The following STXBP5 variants were observed in gnomAD, a reference collection of about 807,000 sequenced individuals.
STXBP5 encodes the protein syntaxin binding protein 5.
A neutral mutation model predicts 152.4 loss-of-function variants in STXBP5; 50 were observed. The ratio of observed to expected loss-of-function variants is 0.33; its 90% CI spans 0.26 to 0.42. The LOEUF is 0.42. Ranked by LOEUF, STXBP5 falls within the 10% of genes least tolerant of loss-of-function variation. The pLI is 1.00. For synonymous variants in STXBP5, 492 were observed against 494.7 expected (o/e 0.99, Z 0.07); for missense variants, 1,167 against 1,388.6 (o/e 0.84, Z 2.54).
intron 11 of STXBP5, among the ~76,000 whole-genome samples, chr6:147,311,997 C>T (rs545148159): frequency 6.6e-6 from 1 of 152,270 alleles, no homozygotes; most frequent in South Asian, 2.1e-4. Flanking sequence ...ACATCTGCTA[C>T]TCCAAACAGT....
chr6:147,290,963 C>T, intron 8 of STXBP5, 131 bp from the exon 9 acceptor site: 1 of 607,158 alleles, frequency 1.6e-6, no homozygotes, highest in Non-Finnish European at 2.7e-6. Context: ...TATTAAATGC[C>T]TCTTTCAGAA....
intron 4 of STXBP5, among the ~76,000 whole-genome samples, chr6:147,240,215 T>G (rs1778475150): frequency 6.6e-6 from 1 of 152,206 alleles, no homozygotes; most frequent in African/African-American, 2.4e-5. Context: ...GAGCTGGGAT[T>G]ACAGGCATGA....
chr6:147,319,143 T>C (rs955999754), intron 16 of STXBP5, among the ~76,000 whole-genome samples: 4 of 152,170 alleles, frequency 2.6e-5, no homozygotes, highest in Admixed American at 2.0e-4. Flanking sequence ...TATATTGTTA[T>C]AGTAGACCAC....
intron 8 of STXBP5, among the ~76,000 whole-genome samples, chr6:147,286,036 G>A (rs1035372466): frequency 6.6e-6 from 1 of 152,108 alleles, no homozygotes; most frequent in Non-Finnish European, 1.5e-5. Flanking sequence ...TTACTGAAAG[G>A]TCATATACAT....
chr6:147,217,223 A>G (rs1025481735), intron 2 of STXBP5, among the ~76,000 whole-genome samples: 9 of 152,214 alleles, frequency 5.9e-5, no homozygotes, highest in Non-Finnish European at 1.5e-5. Context: ...AAGGAAAAAA[A>G]AAAGTGTTGA....
At chr6:147,252,771 T>C (rs902809469) in intron 4 of STXBP5, among the ~76,000 whole-genome samples, 2 of 152,068 alleles carry the variant, frequency 1.3e-5, no homozygotes, top group Non-Finnish European at 2.9e-5. Flanking sequence ...AGACACACAA[T>C]TGTCAGATTC....
chr6:147,215,283 C>T (rs1777102755), intron 2 of STXBP5, among the ~76,000 whole-genome samples: 1 of 152,224 alleles, frequency 6.6e-6, no homozygotes, highest in South Asian at 2.1e-4. Flanking sequence ...GTAAGAAATA[C>T]ATTTTTAAAT....
At chr6:147,357,504 C>G (rs1784867690) in intron 22 of STXBP5, among the ~76,000 whole-genome samples, 1 of 152,064 alleles carries the variant, frequency 6.6e-6, no homozygotes, top group South Asian at 2.1e-4. Flanking sequence ...AAAGGAGCTA[C>G]TAAGGATTTT....
intron 6 of STXBP5, among the ~76,000 whole-genome samples, chr6:147,265,851 T>A (rs749319359): frequency 7.2e-5 from 11 of 152,008 alleles, no homozygotes; most frequent in Non-Finnish European, 2.9e-5. Context: ...TTTTACAGAC[T>A]GCACGATAAT....
At chr6:147,214,513 A>G (rs567743291) in intron 2 of STXBP5, among the ~76,000 whole-genome samples, 1 of 152,192 alleles carries the variant, frequency 6.6e-6, no homozygotes, top group Admixed American at 6.5e-5. Flanking sequence ...CCTTAAGTCT[A>G]GAATAAACTT....
At chr6:147,239,883 T>C (rs1390505052) in intron 4 of STXBP5, among the ~76,000 whole-genome samples, 1 of 152,144 alleles carries the variant, frequency 6.6e-6, no homozygotes, top group African/African-American at 2.4e-5. Flanking sequence ...GGGCTTTGAT[T>C]GGAAAAACTT....
At chr6:147,338,768 A>C (rs1322611992) in intron 19 of STXBP5, among the ~76,000 whole-genome samples, 2 of 53,202 alleles carry the variant, frequency 3.8e-5, no homozygotes, top group Non-Finnish European at 8.2e-5. Flanking sequence ...ACTCTAAAAT[A>C]ACAAGTTTTA....
At chr6:147,262,805 T>C (rs1033772449) in intron 6 of STXBP5, among the ~76,000 whole-genome samples, 1 of 130,888 alleles carries the variant, frequency 7.6e-6, no homozygotes, top group East Asian at 2.0e-4. Flanking sequence ...TAATGTAGAG[T>C]TTTTTTTAAT....
At chr6:147,337,214 C>CACACACACACACACACACACACA (rs150169446) in intron 19 of STXBP5, among the ~76,000 whole-genome samples, 1 of 147,270 alleles carries the variant, frequency 6.8e-6, no homozygotes, top group African/African-American at 2.5e-5. Flanking sequence ...CACACACACA[C>CACACACACACACACACACACACA]AAGAAGTCAT....
Position 147,386,165 on chromosome 6 carries a change from G to T in STXBP5, c.*1410G>T, listed in dbSNP as rs1554222850. 6.6e-6 allele frequency: 1 copy of T among 151,898 alleles called. No individual in the cohort carries two copies. Among genetic ancestry groups the T allele is most frequent in the Non-Finnish European group, 1.5e-5 (1 of 67,908 alleles). 9.4% of individuals were successfully genotyped at this position (151,898 alleles called of 1,614,324 possible). ...TACAGACTAATCTGAGATTATTATTGATTGTTGTTAAAGCAACCCAGCAAA... is the reference window on the plus strand; with the variant it reads ...TACAGACTAATCTGAGATTATTATTTATTGTTGTTAAAGCAACCCAGCAAA... On this transcript the variant is annotated 3_prime_UTR_variant, in exon 28 of 28. Transcript: ENST00000321680.
rs531984801 is a variant in STXBP5 at position 147,234,312 on chromosome 6, G to A, written c.249-938G>A. ...ACCTTCTTGTTTCAAGTTTATGAAG[G>A]TAAAATGCATATAACAGTGCCTGGC... On this transcript the variant is annotated intron_variant, in intron 2 of 27. Transcript: ENST00000321680. 2.0e-5 allele frequency among the ~76,000 whole-genome samples: 3 copies of A among 151,914 alleles called. No individual in the cohort carries two copies. The East Asian group carries it at 5.8e-4, about 29-fold the overall frequency.
At chr6:147,298,452 A>G (rs1781640996) in intron 9 of STXBP5, among the ~76,000 whole-genome samples, 1 of 152,032 alleles carries the variant, frequency 6.6e-6, no homozygotes, top group Non-Finnish European at 1.5e-5. Flanking sequence ...CAAAGAAACA[A>G]TGGATTTAAA....
intron 13 of STXBP5, 88 bp downstream of exon 13, chr6:147,314,419 G>C (rs1034252238): frequency 3.0e-6 from 4 of 1,333,708 alleles, no homozygotes; most frequent in Non-Finnish European, 4.3e-6. Flanking sequence ...TACTGGACAG[G>C]TAGAGCTTTC....
chr6:147,348,060 A>T (rs918076677), intron 21 of STXBP5, among the ~76,000 whole-genome samples: 1 of 152,234 alleles, frequency 6.6e-6, no homozygotes, highest in Non-Finnish European at 1.5e-5. Flanking sequence ...AAATGTTAGT[A>T]ATGACATTAT....
Sources: gnomAD v4.1 joint callset for allele counts (sites outside exome capture counted in the v4.1 genomes callset) on GRCh38, gnomAD v4.1.1 for gene constraint, MANE v1.5 for transcripts, NCBI Gene and HGNC (gene_info 2026-07-23, HGNC 2026-07-21) for gene names.